DYM: variants seen among roughly 807,000 people sequenced by gnomAD.
DYM encodes dymeclin.
DYM carries 78 observed loss-of-function variants against 93.1 expected under a neutral mutation model. That is an observed-to-expected ratio of 0.84 (90% confidence interval 0.70 to 1.01). The LOEUF is 1.01. DYM is among the 50% of genes least tolerant of loss of function. The pLI is 0.00. For missense variants in DYM, 789 were observed against 845.0 expected, an observed-to-expected ratio of 0.93 and a Z score of 0.82; for synonymous variants, 321 against 319.7, an observed-to-expected ratio of 1.00 and a Z score of -0.04.
At chr18:49,083,926 G>C (rs566471855) in intron 17 of DYM, among the ~76,000 whole-genome samples, 3 of 151,186 alleles carry the variant, frequency 2.0e-5, no homozygotes, top group Non-Finnish European at 4.4e-5. Flanking sequence ...CCATTTTATT[G>C]ATCTTTTCAA....
intron 6 of DYM, among the ~76,000 whole-genome samples, chr18:49,362,950 T>A (rs1290047468): frequency 6.6e-6 from 1 of 152,278 alleles, no homozygotes; most frequent in Non-Finnish European, 1.5e-5. Flanking sequence ...ATAGTTTCAC[T>A]GTTTTCCCCT....
At chr18:49,194,107 C>T (rs1263480583) in intron 14 of DYM, among the ~76,000 whole-genome samples, 1 of 151,894 alleles carries the variant, frequency 6.6e-6, no homozygotes, top group Non-Finnish European at 1.5e-5. Flanking sequence ...ATGTTTAAGT[C>T]TGTTAGACAC....
intron 1 of DYM, among the ~76,000 whole-genome samples, chr18:49,448,092 T>C (rs1212183594): frequency 6.6e-6 from 1 of 152,192 alleles, no homozygotes; most frequent in Non-Finnish European, 1.5e-5. Context: ...TTCTCTTTCC[T>C]TTTTGTGCCT....
In DYM at chr18:49,041,117, G is replaced by A. The variant is rs2070898195; in HGVS notation, c.*2938C>T. Among the ~76,000 whole-genome samples, 1 of 152,144 alleles carries A rather than the reference G, an allele frequency of 6.6e-6. No individual in the cohort carries two copies. The highest frequency in any genetic ancestry group is 1.5e-5 in the Non-Finnish European group (1 of 68,036). On this transcript the variant is annotated 3_prime_UTR_variant, in exon 18 of 18. Transcript: ENST00000675505. ...TCTTTGTCCTTGAGCTGTGTTGTCT[G>A]CACTGCTGAATGGTGGCAGTCCTGC...
intron 1 of DYM, among the ~76,000 whole-genome samples, chr18:49,457,037 T>A (rs1421046746): frequency 6.6e-6 from 1 of 152,132 alleles, no homozygotes; most frequent in Non-Finnish European, 1.5e-5. Flanking sequence ...CCTCTCTCTG[T>A]CCGAAGAAAG....
chr18:49,225,198 A>C (rs2093486588), intron 13 of DYM, among the ~76,000 whole-genome samples: 1 of 152,160 alleles, frequency 6.6e-6, no homozygotes, highest in African/African-American at 2.4e-5. Flanking sequence ...TTTGCAAACT[A>C]AAAATTTATA....
At chr18:49,365,423 A>C (rs2066432077) in intron 5 of DYM, among the ~76,000 whole-genome samples, 1 of 152,202 alleles carries the variant, frequency 6.6e-6, no homozygotes, top group Admixed American at 6.5e-5. Flanking sequence ...AGTGAAGAAA[A>C]AAAAATAAAA....
chr18:49,376,775 A>G (rs2067545085), intron 5 of DYM, among the ~76,000 whole-genome samples: 1 of 152,236 alleles, frequency 6.6e-6, no homozygotes, highest in African/African-American at 2.4e-5. Flanking sequence ...AAATGTTAGA[A>G]GATGGTAAAA....
chr18:49,065,967 C>T (rs2076355259), intron 17 of DYM, among the ~76,000 whole-genome samples: 1 of 152,006 alleles, frequency 6.6e-6, no homozygotes, highest in African/African-American at 2.4e-5. Context: ...TATCACTTAC[C>T]ATAGTTTGTT....
At chr18:49,050,254 T>A (rs1308184822) in intron 17 of DYM, among the ~76,000 whole-genome samples, 4 of 150,082 alleles carry the variant, frequency 2.7e-5, no homozygotes, top group Non-Finnish European at 5.9e-5. Context: ...GCCCGGCTAG[T>A]TTTTTTTTGT....
intron 17 of DYM, among the ~76,000 whole-genome samples, chr18:49,065,426 G>A (rs2076315557): frequency 6.6e-6 from 1 of 152,096 alleles, no homozygotes; most frequent in Non-Finnish European, 1.5e-5. Context: ...GCAATGGTGC[G>A]ATCTTGGCTC....
chr18:49,255,076 G>A (rs1426541182), intron 13 of DYM, among the ~76,000 whole-genome samples: 1 of 152,138 alleles, frequency 6.6e-6, no homozygotes, highest in East Asian at 1.9e-4. Context: ...AAATTAAATA[G>A]TGAGTCAATG....
intron 13 of DYM, among the ~76,000 whole-genome samples, chr18:49,227,550 G>A (rs368686532): frequency 2.6e-5 from 4 of 152,092 alleles, no homozygotes; most frequent in African/African-American, 4.8e-5. Flanking sequence ...GGATATACAC[G>A]GAAACATCCA....
chr18:49,160,249 T>A (rs1207318718), intron 15 of DYM, among the ~76,000 whole-genome samples: 3 of 152,148 alleles, frequency 2.0e-5, no homozygotes, highest in African/African-American at 7.2e-5. Context: ...GCCAGGGCAG[T>A]TTCCTCATTA....
chr18:49,183,167 T>C (rs1482315693), intron 14 of DYM, among the ~76,000 whole-genome samples: 1 of 152,178 alleles, frequency 6.6e-6, no homozygotes, highest in Non-Finnish European at 1.5e-5. Context: ...TGAGGGGAAA[T>C]TTTATTCACC....
chr18:49,251,687 C>T (rs1160602755), intron 13 of DYM, among the ~76,000 whole-genome samples: 2 of 152,070 alleles, frequency 1.3e-5, no homozygotes, highest in Non-Finnish European at 2.9e-5. Context: ...CAGCTGCTGC[C>T]GCTCCCGTCT....
At chr18:49,113,892 A>T (rs2081664149) in intron 16 of DYM, among the ~76,000 whole-genome samples, 2 of 152,218 alleles carry the variant, frequency 1.3e-5, no homozygotes, top group South Asian at 4.1e-4. Context: ...AAGTTGTTGG[A>T]AAACCTGCTC....
chr18:49,459,550 G>A (rs2083293962), intron 1 of DYM, among the ~76,000 whole-genome samples: 1 of 151,826 alleles, frequency 6.6e-6, no homozygotes, highest in Non-Finnish European at 1.5e-5. Flanking sequence ...CCACCCTCCA[G>A]GTTTTCATCC....
chr18:49,170,455 G>A (rs2088527103), intron 14 of DYM, among the ~76,000 whole-genome samples: 1 of 152,106 alleles, frequency 6.6e-6, no homozygotes, highest in African/African-American at 2.4e-5. Context: ...AAAAGTGGAG[G>A]TGATCACCCA....
Sources: gnomAD v4.1 joint callset for allele counts (sites outside exome capture counted in the v4.1 genomes callset) on GRCh38, gnomAD v4.1.1 for gene constraint, MANE v1.5 for transcripts, NCBI Gene and HGNC (gene_info 2026-07-23, HGNC 2026-07-21) for gene names.